The following MICAL3 variants were observed in gnomAD, a reference collection of about 807,000 sequenced individuals.
The protein encoded by MICAL3 is microtubule associated monooxygenase, calponin and LIM domain containing 3.
A neutral mutation model predicts 207.4 loss-of-function variants in MICAL3; 62 were observed. The ratio of observed to expected loss-of-function variants is 0.30; its 90% CI spans 0.24 to 0.37. The LOEUF is 0.37. Ranked by LOEUF, MICAL3 falls within the 10% of genes least tolerant of loss-of-function variation. The pLI is 1.00. For synonymous variants in MICAL3, 1,077 were observed against 1,069.3 expected (o/e 1.01, Z -0.14); for missense variants, 2,368 against 2,635.6 (o/e 0.90, Z 2.22).
At chr22:17,850,969 C>G (rs982259116) in intron 19 of MICAL3, among the ~76,000 whole-genome samples, 3 of 152,146 alleles carry the variant, frequency 2.0e-5, no homozygotes, top group Admixed American at 6.5e-5. Context: ...ACTGGCCAGG[C>G]CATCCTTCCT....
intron 1 of MICAL3, among the ~76,000 whole-genome samples, chr22:17,999,627 T>C (rs1019108098): frequency 2.0e-5 from 3 of 152,216 alleles, no homozygotes; most frequent in Admixed American, 6.5e-5. Context: ...CACCATGGAA[T>C]AACCACCACG....
intron 1 of MICAL3, among the ~76,000 whole-genome samples, chr22:17,908,909 C>T (rs2146273021): frequency 6.6e-6 from 1 of 152,300 alleles, no homozygotes; most frequent in African/African-American, 2.4e-5. Context: ...CAGAATGATA[C>T]AGAAGAGGCC....
In MICAL3 at chr22:17,791,419, C is replaced by A; in HGVS notation, c.5651-118G>T. 3.4e-6 allele frequency: 3 copies of A among 885,848 alleles called. No homozygotes were observed. The South Asian group carries it at 4.6e-5, about 13-fold the overall frequency. The allele number at this position is 885,848 out of a possible 1,614,324, so 54.9% of individuals were successfully genotyped here. The stretch of plus-strand genomic sequence containing the variant: ...GCAAGATGCTGCCGGAACTTCCACT[C>A]CCAAGCCAGGCCCAAGGTTTGCCTG... On this transcript the variant is annotated intron_variant, in intron 29 of 31. Coordinates refer to ENST00000441493, the MANE Select transcript of MICAL3 (RefSeq NM_015241.3).
At chr22:17,962,589 T>G (rs138683888) in intron 1 of MICAL3, among the ~76,000 whole-genome samples, 43 of 152,198 alleles carry the variant, frequency 2.8e-4, no homozygotes, top group African/African-American at 1.0e-3. Context: ...AAAAAGGGGA[T>G]GGGTTAGAAC....
In MICAL3 at chr22:17,790,582, G is replaced by A. The variant is rs1249088079; in HGVS notation, c.*150C>T. The stretch of plus-strand genomic sequence containing the variant: ...TCACCTGGGGCTCCCCACTGCACGC[G>A]GGACTCGACCACTTTCCAAGCAGCA... On this transcript the variant is annotated 3_prime_UTR_variant, in exon 32 of 32. Coordinates refer to ENST00000441493, the MANE Select transcript of MICAL3 (RefSeq NM_015241.3). 8 of 708,016 alleles carry A rather than the reference G, an allele frequency of 1.1e-5. No homozygotes were observed. Among genetic ancestry groups the A allele is most frequent in the Non-Finnish European group, 1.8e-5 (8 of 434,994 alleles). The allele number at this position is 708,016 out of a possible 1,614,324, so 43.9% of individuals were successfully genotyped here. A position where few individuals can be genotyped will look rare whatever the true frequency, so the allele number is the denominator to read the frequency against.
In MICAL3 at chr22:17,841,893, C is replaced by T. The variant is rs888693804; in HGVS notation, c.2730G>A (p.Pro910=). ...LRQAEALQEV[P]EETQAEHNLS... is the part of the protein sequence containing the mutation. ...GGTTGTGCTCGGCCTGAGTCTCCTC[C>T]GGTACCTCCTGCAGTGCCTCAGCCT... The change falls in exon 20 of 32, where the codon CCG becomes CCA. Residue 910 remains proline, a synonymous_variant. Coordinates refer to ENST00000441493, the MANE Select transcript of MICAL3 (RefSeq NM_015241.3). The surrounding 1 kb of genome is among the most constrained non-coding windows in gnomAD (Gnocchi z 4.2). 15 of 1,583,838 alleles carry T rather than the reference C, an allele frequency of 9.5e-6. No homozygotes were observed. Among genetic ancestry groups the T allele is most frequent in the African/African-American group, 4.0e-5 (3 of 74,218 alleles).
intron 25 of MICAL3, 28 bp from the exon 26 acceptor site, chr22:17,819,157 G>A (rs1473619428): frequency 1.4e-6 from 2 of 1,445,338 alleles, no homozygotes; most frequent in Non-Finnish European, 1.8e-6. Context: ...AGAAGCCGCT[G>A]AGAAGGTGTG....
chr22:17,967,400 G>A (rs1053665360), intron 1 of MICAL3, among the ~76,000 whole-genome samples: 3 of 151,820 alleles, frequency 2.0e-5, no homozygotes, highest in Non-Finnish European at 4.4e-5. Context: ...TTACTCAAGC[G>A]ACAATATTTG....
intron 9 of MICAL3, among the ~76,000 whole-genome samples, 167 bp downstream of exon 9, chr22:17,896,079 T>C (rs1032193105): frequency 6.5e-4 from 99 of 152,230 alleles, no homozygotes; most frequent in African/African-American, 2.3e-3. Flanking sequence ...TTTAGGTTTC[T>C]ATGATTTTAT....
In MICAL3 at chr22:17,845,803, T is replaced by C. The variant is rs563783556; in HGVS notation, c.2606-3786A>G. Reference sequence around the variant, plus strand: ...CCTTCCCCTTTGGGCATCTTCACCATTGTCTCCTCCCCACTGTAATTTTCT... The same window carrying C: ...CCTTCCCCTTTGGGCATCTTCACCACTGTCTCCTCCCCACTGTAATTTTCT... On this transcript the variant is annotated intron_variant, in intron 19 of 31. Coordinates refer to ENST00000441493, the MANE Select transcript of MICAL3 (RefSeq NM_015241.3). Among the ~76,000 whole-genome samples the C allele has an allele frequency of 8.5e-5, 13 of 152,334 alleles. No individual in the cohort carries two copies. The East Asian group carries it at 1.9e-3, about 23-fold the overall frequency.
intron 29 of MICAL3, among the ~76,000 whole-genome samples, chr22:17,792,542 C>G (rs955862524): frequency 1.2e-4 from 19 of 152,212 alleles, no homozygotes; most frequent in African/African-American, 4.6e-4. Flanking sequence ...AGCCCGAGTC[C>G]TCCCTCACTG....
At chr22:17,896,492 C>T in intron 8 of MICAL3, 131 bp from the exon 9 acceptor site, 1 of 751,486 alleles carries the variant, frequency 1.3e-6, no homozygotes, top group African/African-American at 1.8e-5. Context: ...AATTGCTCTC[C>T]TTCCCAGATT....
chr22:17,993,339 T>C lies in MICAL3; in HGVS notation c.-75+30942A>G, dbSNP rs572637564. ...ATAGGTATACATGTGCCATGGTGGTTTGCTGCACCTGTCAACCTGTCATCT... is the reference window on the plus strand; with the variant it reads ...ATAGGTATACATGTGCCATGGTGGTCTGCTGCACCTGTCAACCTGTCATCT... On this transcript the variant is annotated intron_variant, in intron 1 of 31. Transcript: ENST00000441493. Among the ~76,000 whole-genome samples the C allele has an allele frequency of 3.3e-5, 5 of 152,228 alleles. No individual in the cohort carries two copies. In the South Asian group the frequency reaches 1.0e-3, roughly 32 times the overall value.
At chr22:17,877,251 AGGGAGGTTAGGGAAG>A in intron 16 of MICAL3, among the ~76,000 whole-genome samples, 1 of 127,646 alleles carries the variant, frequency 7.8e-6, no homozygotes. Context: ...TAGGGAGGTT[AGGGAGGTTAGGGAAG>A]TTATGGAGGT....
intron 1 of MICAL3, among the ~76,000 whole-genome samples, chr22:17,913,018 A>T (rs1343568380): frequency 6.6e-6 from 1 of 152,128 alleles, no homozygotes; most frequent in African/African-American, 2.4e-5. Context: ...TAGTCTGGTG[A>T]GTATTTCTAT....
intron 1 of MICAL3, among the ~76,000 whole-genome samples, chr22:17,942,444 T>C (rs548315011): frequency 6.6e-6 from 1 of 151,882 alleles, no homozygotes; most frequent in African/African-American, 2.4e-5. Flanking sequence ...CTTAGCGGAG[T>C]GGTGTGGCTT....
At chr22:18,001,655 C>G (rs1923027662) in intron 1 of MICAL3, among the ~76,000 whole-genome samples, 1 of 152,256 alleles carries the variant, frequency 6.6e-6, no homozygotes, top group Non-Finnish European at 1.5e-5. Flanking sequence ...GCTACTTGCA[C>G]GCTCAGTCTT....
intron 19 of MICAL3, among the ~76,000 whole-genome samples, chr22:17,845,943 A>G (rs1228945300): frequency 1.3e-5 from 2 of 152,238 alleles, no homozygotes; most frequent in Admixed American, 6.5e-5. Flanking sequence ...CAAATCCCGC[A>G]GACTAATGGG....
intron 29 of MICAL3, among the ~76,000 whole-genome samples, chr22:17,806,700 G>C (rs1007985532): frequency 6.6e-6 from 1 of 152,188 alleles, no homozygotes; most frequent in Admixed American, 6.5e-5. Flanking sequence ...ATTAACATTT[G>C]AGAGTAATTC....
Sources: gnomAD v4.1 joint callset for allele counts (sites outside exome capture counted in the v4.1 genomes callset) on GRCh38, gnomAD v4.1.1 for gene constraint, Gnocchi (gnomAD v3.1) non-coding constraint, MANE v1.5 for transcripts, NCBI Gene and HGNC (gene_info 2026-07-23, HGNC 2026-07-21) for gene names.